ACAT1: variants seen among roughly 807,000 people sequenced by gnomAD.
The protein encoded by ACAT1 is acetyl-CoA acetyltransferase 1.
A neutral mutation model predicts 47.3 loss-of-function variants in ACAT1; 28 were observed. That is an observed-to-expected ratio of 0.59 (90% CI 0.44 to 0.81). The LOEUF is 0.81. Among genes scored for constraint, ACAT1 ranks in the 30% least tolerant of loss-of-function variants. The pLI, the probability that ACAT1 is intolerant of heterozygous loss-of-function variation, is 0.00. For missense variants in ACAT1, 469 were observed against 524.3 expected, an observed-to-expected ratio of 0.89 and a Z score of 1.03; for synonymous variants, 181 against 173.6, an observed-to-expected ratio of 1.04 and a Z score of -0.34.
chr11:108,120,825 G>A (rs1159905592), upstream of ACAT1, among the ~76,000 whole-genome samples: 2 of 152,042 alleles, frequency 1.3e-5, no homozygotes, highest in Admixed American at 1.3e-4. Context: ...TTGAGAGGCT[G>A]AGTCTGGCCG....
chr11:108,141,877 C>T (rs1264749322), intron 8 of ACAT1, among the ~76,000 whole-genome samples, 177 bp downstream of exon 8: 1 of 151,856 alleles, frequency 6.6e-6, no homozygotes, highest in African/African-American at 2.4e-5. Flanking sequence ...ATATATAAAT[C>T]CCAGGGAAGA....
At chr11:108,127,373 T>C (rs1220761223) in intron 1 of ACAT1, among the ~76,000 whole-genome samples, 1 of 151,514 alleles carries the variant, frequency 6.6e-6, no homozygotes, top group East Asian at 1.9e-4. Context: ...CACACCATTC[T>C]CCCACCTCAG....
At position 108,134,240 on chromosome 11, in the gene ACAT1, G is replaced by GA. The variant is rs1201662412; in HGVS notation, c.261dup (p.Glu88ArgfsTer6). The GA allele has an allele frequency of 1.2e-6, 2 of 1,610,430 alleles. No individual in the cohort carries two copies. Among genetic ancestry groups the GA allele is most frequent in the Middle Eastern group, 1.6e-4 (1 of 6,072 alleles). On this transcript the variant is annotated frameshift_variant, in exon 4 of 12. Coordinates refer to ENST00000265838, the MANE Select transcript of ACAT1 (RefSeq NM_000019.4). LOFTEE classifies it high-confidence loss of function. The stretch of plus-strand genomic sequence containing the variant: ...ATAAAGGGATTCCAAAAGAAGAAGT[G>GA]AAAGAAGCATACATGGGTAATGTTC...
intron 10 of ACAT1, 166 bp from the exon 11 acceptor site, chr11:108,146,036 G>A (rs903361550): frequency 6.0e-5 from 36 of 598,544 alleles, no homozygotes; most frequent in Non-Finnish European, 9.7e-5. Context: ...GACAGAGCAA[G>A]ACTGTTGGAA....
At position 108,133,881 on chromosome 11, in the gene ACAT1, T is replaced by C; in HGVS notation, c.182T>C (p.Leu61Ser). 6.2e-7 allele frequency: 1 copy of C among 1,614,172 alleles called. No individual in the cohort carries two copies. The highest frequency in any genetic ancestry group is 1.1e-5 in the South Asian group (1 of 91,084). ...PIGSFLGSLSLLPATKLGSIA... is the reference protein window; with the variant it reads ...PIGSFLGSLSSLPATKLGSIA... ...GGATCTTTTTTAGGCAGCCTTTCCT[T>C]GCTGCCAGCCACTAAGCTTGGTTCC... Residue 61 changes from leucine (L) to serine (S), a missense_variant, in exon 3 of 12, where the codon TTG becomes TCG. Transcript: ENST00000265838.
chr11:108,139,662 GTTA>G (rs971161819), intron 6 of ACAT1, among the ~76,000 whole-genome samples: 6 of 152,094 alleles, frequency 3.9e-5, no homozygotes, highest in Admixed American at 1.3e-4. Flanking sequence ...ATATATATAT[GTTA>G]TTATTATTTT....
chr11:108,132,064 AAC>A, intron 2 of ACAT1, 110 bp downstream of exon 2: 1 of 673,526 alleles, frequency 1.5e-6, no homozygotes, highest in Non-Finnish European at 2.7e-6. Context: ...AGGATTATGT[AAC>A]AGTTAGGAAT....
upstream of ACAT1, among the ~76,000 whole-genome samples, chr11:108,120,779 C>T (rs1484974707): frequency 1.3e-5 from 2 of 152,084 alleles, no homozygotes; most frequent in Non-Finnish European, 2.9e-5. Context: ...ATTTTCACGG[C>T]TGGGTGTGAT....
intron 1 of ACAT1, among the ~76,000 whole-genome samples, chr11:108,126,396 C>A (rs1239736875): frequency 1.3e-5 from 2 of 152,096 alleles, no homozygotes; most frequent in South Asian, 2.1e-4. Context: ...TGGCACAGAG[C>A]AAGAGTGATG....
Position 108,138,917 on chromosome 11 carries a change from G to C in ACAT1, c.455G>C (p.Gly152Ala), listed in dbSNP as rs762991875. ...CGHQDVMVAGGMESMSNVPYV... is the reference protein window; with the variant it reads ...CGHQDVMVAGAMESMSNVPYV... ...GCGCAGGATGTGATGGTGGCAGGTG[G>C]GATGGAGAGCATGTCCAATGTTCCA... Residue 152 changes from glycine (G) to alanine (A), a missense_variant, in exon 6 of 12, where the codon GGG (glycine) becomes GCG (alanine). Coordinates refer to ENST00000265838, the MANE Select transcript of ACAT1 (RefSeq NM_000019.4). 60 of 1,614,046 alleles carry C rather than the reference G, an allele frequency of 3.7e-5. No individual in the cohort carries two copies. The highest frequency in any genetic ancestry group is 3.2e-4 in the Admixed American group (19 of 59,998).
chr11:108,118,397 C>T (rs1426076669), upstream of ACAT1, among the ~76,000 whole-genome samples: 9 of 149,892 alleles, frequency 6.0e-5, no homozygotes, highest in Admixed American at 4.0e-4. Context: ...TTTTTTGAGA[C>T]GGAGTCTCGC....
rs2077744802 is a variant in ACAT1 at position 108,147,499 on chromosome 11, T to G, written c.*109T>G. On this transcript the variant is annotated 3_prime_UTR_variant, in exon 12 of 12. Coordinates refer to ENST00000265838, the MANE Select transcript of ACAT1 (RefSeq NM_000019.4). Reference sequence around the variant, plus strand: ...TTCAGATAAGCTGTTTCATTTTTTATTATTTTCTATGTTAACTTTTAAAAA... The same window carrying G: ...TTCAGATAAGCTGTTTCATTTTTTAGTATTTTCTATGTTAACTTTTAAAAA... 7.3e-7 allele frequency: 1 copy of G among 1,366,374 alleles called. No homozygotes were observed. 84.6% of individuals were successfully genotyped at this position (1,366,374 alleles called of 1,614,324 possible).
At chr11:108,121,548 G>A (rs1447156593), upstream of ACAT1, 1 of 1,521,744 alleles carries the variant, frequency 6.6e-7, no homozygotes, top group East Asian at 2.5e-5. Flanking sequence ...AGGGGTGCGG[G>A]GTTGGGGAGG....
At chr11:108,146,128 A>G in intron 10 of ACAT1, 74 bp from the exon 11 acceptor site, 1 of 1,248,828 alleles carries the variant, frequency 8.0e-7, no homozygotes, top group Non-Finnish European at 1.2e-6. Context: ...AAACTGTAGT[A>G]TTTCAAGGAA....
chr11:108,129,833 C>T, intron 1 of ACAT1, among the ~76,000 whole-genome samples: 1 of 152,154 alleles, frequency 6.6e-6, no homozygotes, highest in Non-Finnish European at 1.5e-5. Flanking sequence ...TAAAGTGCAG[C>T]TGGCTGGGTA....
In ACAT1 at chr11:108,147,542, C is replaced by A; in HGVS notation, c.*152C>A. The A allele has an allele frequency of 9.6e-7, 1 of 1,038,046 alleles. No individual in the cohort carries two copies. The highest frequency in any genetic ancestry group is 1.4e-6 in the Non-Finnish European group (1 of 723,770). The allele number at this position is 1,038,046 out of a possible 1,614,324, so 64.3% of individuals were successfully genotyped here. Reference sequence around the variant, plus strand: ...TTTAAAAATCAAAATGATGAAATCCCAAAACATTTTGAAATTAAAAATAAA... The same window carrying A: ...TTTAAAAATCAAAATGATGAAATCCAAAAACATTTTGAAATTAAAAATAAA... On this transcript the variant is annotated 3_prime_UTR_variant, in exon 12 of 12. Transcript: ENST00000265838.
upstream of ACAT1, among the ~76,000 whole-genome samples, chr11:108,120,884 C>T (rs10890814): frequency 0.55 from 83,690 of 151,302 alleles, 24,300 homozygotes; most frequent in East Asian, 0.89. Context: ...CATAGGGAGA[C>T]CTAGTCTCTA....
chr11:108,146,470 C>A, intron 11 of ACAT1, 111 bp downstream of exon 11: 1 of 1,288,998 alleles, frequency 7.8e-7, no homozygotes. Context: ...TCCTACCCAT[C>A]TTTCATAAGG....
At position 108,144,225 on chromosome 11, in the gene ACAT1, A is replaced by T. The variant is rs550248687; in HGVS notation, c.1005+178A>T. ...AGCAACAAGGATAACAAACAAAAAA[A>T]AAAAAATAAAGAACAGCTCACAAAC... On this transcript the variant is annotated intron_variant, in intron 10 of 11. Transcript: ENST00000265838. 3.0e-5 allele frequency: 20 copies of T among 672,170 alleles called. No homozygotes were observed. In the South Asian group the frequency reaches 3.5e-4, roughly 12 times the overall value. The allele number at this position is 672,170 out of a possible 1,614,324, so 41.6% of individuals were successfully genotyped here. A position where few individuals can be genotyped will look rare whatever the true frequency, so the allele number is the denominator to read the frequency against.
Sources: allele counts gnomAD v4.1 joint callset (sites outside exome capture counted in the v4.1 genomes callset), GRCh38; gene constraint gnomAD v4.1.1; transcripts MANE v1.5; gene names NCBI Gene and HGNC (gene_info 2026-07-23, HGNC 2026-07-21).